The following POLE2 variants were observed in gnomAD, a reference collection of about 807,000 sequenced individuals.
POLE2 encodes the protein DNA polymerase epsilon 2, accessory subunit.
Under a neutral mutation model 79.4 loss-of-function variants are expected in POLE2, and 56 were observed. That is an observed-to-expected ratio of 0.71 (90% CI 0.57 to 0.88). POLE2 has a LOEUF of 0.88. POLE2 is among the 40% of genes least tolerant of loss of function. The pLI is 0.00. For synonymous variants in POLE2, 212 were observed against 214.0 expected (o/e 0.99, Z 0.08); for missense variants, 598 against 638.9 (o/e 0.94, Z 0.69).
At chr14:49,654,291 C>A in intron 13 of POLE2, 77 bp from the exon 14 acceptor site, 1 of 936,676 alleles carries the variant, frequency 1.1e-6, no homozygotes, top group Non-Finnish European at 1.6e-6. Context: ...AAGTTATTCC[C>A]TTTGTTTTCT....
intron 17 of POLE2, among the ~76,000 whole-genome samples, chr14:49,649,887 C>A (rs1212712905): frequency 6.6e-6 from 1 of 152,156 alleles, no homozygotes; most frequent in Non-Finnish European, 1.5e-5. Context: ...TTTTTGGGAC[C>A]TGTGCAATTT....
At chr14:49,687,996 C>A (rs1458864372) in intron 1 of POLE2, 140 bp downstream of exon 1, 2 of 684,620 alleles carry the variant, frequency 2.9e-6, no homozygotes, top group Non-Finnish European at 4.9e-6. Context: ...CCGCGCCCGA[C>A]CGCTTCTTAG....
At chr14:49,652,855 AC>A (rs994621563) in intron 15 of POLE2, among the ~76,000 whole-genome samples, 1 of 150,144 alleles carries the variant, frequency 6.7e-6, no homozygotes, top group Non-Finnish European at 1.5e-5. Context: ...AATCACCCCC[AC>A]CCCCCCTGGC....
rs1886104717 is a variant in POLE2 at position 49,674,359 on chromosome 14, T to C, written c.314A>G (p.Lys105Arg). Residue 105 changes from lysine (K) to arginine (R), a missense_variant, in exon 4 of 19, where the codon AAA becomes AGA. Lys to Arg is a conservative substitution (Grantham distance 26). Coordinates refer to ENST00000216367, the MANE Select transcript of POLE2 (RefSeq NM_002692.4). ...TGGATGACATACTTACGGAAGAAAT[T>C]TTTTTCTTTCTGAATTGTACACAAA... is the stretch of plus-strand genomic sequence containing the variant. ...PRFVYNSERK[K>R]FLPLLMTNHP... 9 of 1,601,912 alleles carry C rather than the reference T, an allele frequency of 5.6e-6. No homozygotes were observed. In the East Asian group the frequency reaches 1.8e-4, roughly 32 times the overall value.
chr14:49,664,709 G>A (rs1885354838), intron 8 of POLE2, 35 bp from the exon 9 acceptor site: 2 of 1,332,570 alleles, frequency 1.5e-6, no homozygotes, highest in South Asian at 2.4e-5. Flanking sequence ...TTCTATTCTT[G>A]AGGCAGTAAT....
At chr14:49,646,324 T>TTTTTTTTTTTTTTTTTTTTTTTG (rs1883772663) in intron 18 of POLE2, among the ~76,000 whole-genome samples, 1 of 124,600 alleles carries the variant, frequency 8.0e-6, no homozygotes, top group Non-Finnish European at 1.7e-5. Context: ...TTTTTTTTTT[T>TTTTTTTTTTTTTTTTTTTTTTTG]TTTTTTTTTT....
At chr14:49,654,448 TG>T (rs1213265067) in intron 13 of POLE2, 1 of 477,262 alleles carries the variant, frequency 2.1e-6, no homozygotes, top group Non-Finnish European at 3.7e-6. Context: ...CTAGCATAGC[TG>T]ATGGACTGAA....
intron 1 of POLE2, among the ~76,000 whole-genome samples, chr14:49,687,679 C>A (rs1217378579): frequency 6.6e-6 from 1 of 151,900 alleles, no homozygotes; most frequent in African/African-American, 2.4e-5. Context: ...AAAGAAGGCA[C>A]GGCAGCCTCA....
chr14:49,677,969 A>C, intron 3 of POLE2: 1 of 262,890 alleles, frequency 3.8e-6, no homozygotes. Flanking sequence ...TGGAATCTCT[A>C]CCCATTCTTT....
intron 5 of POLE2, among the ~76,000 whole-genome samples, chr14:49,673,443 C>T (rs1886036073): frequency 6.6e-6 from 1 of 152,196 alleles, no homozygotes; most frequent in African/African-American, 2.4e-5. Flanking sequence ...TCATTTCCTG[C>T]TCAGAGTCCA....
Position 49,647,317 on chromosome 14 carries a change from G to A in POLE2, c.1541C>T (p.Pro514Leu), listed in dbSNP as rs45515094. Residue 514 changes from proline (P) to leucine (L), a missense_variant, in exon 18 of 19, where the codon CCT becomes CTT. Transcript: ENST00000216367. ...RSGFSFKVFYPSNKTVEDSKL... is the reference protein window; with the variant it reads ...RSGFSFKVFYLSNKTVEDSKL... ...CCTATCTTCTACTGTCTTATTAGAA[G>A]GATAAAAAACTTTGAATGAAAATCC... 1 of 1,567,960 alleles carries A rather than the reference G, an allele frequency of 6.4e-7. No individual in the cohort carries two copies. The highest frequency in any genetic ancestry group is 8.7e-7 in the Non-Finnish European group (1 of 1,151,678).
At chr14:49,673,746 T>C (rs1207450756) in intron 5 of POLE2, among the ~76,000 whole-genome samples, 1 of 152,208 alleles carries the variant, frequency 6.6e-6, no homozygotes, top group East Asian at 1.9e-4. Context: ...ATACGATCTA[T>C]GGGCAAATTA....
chr14:49,650,593 A>G (rs1884148527), intron 16 of POLE2, 152 bp from the exon 17 acceptor site: 1 of 455,674 alleles, frequency 2.2e-6, no homozygotes, highest in Non-Finnish European at 3.8e-6. Context: ...TTTGGGAGAC[A>G]CTAATTTAAA....
intron 3 of POLE2, chr14:49,677,254 C>A: frequency 1.5e-6 from 1 of 660,504 alleles, no homozygotes; most frequent in Non-Finnish European, 2.7e-6. Flanking sequence ...GGGTGCTAAG[C>A]ATGAGGCCCA....
In POLE2 at chr14:49,647,340, TC is replaced by T. The variant is rs748565137; in HGVS notation, c.1517del (p.Gly506AspfsTer14). On this transcript the variant is annotated frameshift_variant, in exon 18 of 19. Transcript: ENST00000216367. LOFTEE classifies it high-confidence loss of function. ...CINPGSFPRS[G>X]FSFKVFYPSN... ...AAGGATAAAAAACTTTGAATGAAAA[TC>T]CACTTCTTGGAAAAGAGCCCTTTGG... is the stretch of plus-strand genomic sequence containing the variant. 8 of 1,571,898 alleles carry T rather than the reference TC, an allele frequency of 5.1e-6. No individual in the cohort carries two copies. The African/African-American group carries it at 1.1e-4, about 21-fold the overall frequency.
At chr14:49,657,863 C>G (rs1400988348) in intron 10 of POLE2, among the ~76,000 whole-genome samples, 1 of 152,166 alleles carries the variant, frequency 6.6e-6, no homozygotes, top group Non-Finnish European at 1.5e-5. Context: ...TGATTATAGT[C>G]TTAAGTCCTA....
At chr14:49,685,942 T>C (rs1887104282) in intron 1 of POLE2, among the ~76,000 whole-genome samples, 1 of 152,202 alleles carries the variant, frequency 6.6e-6, no homozygotes, top group Admixed American at 6.5e-5. Context: ...CTGCTCATTC[T>C]TTAAGTCAGC....
chr14:49,651,464 T>G, intron 15 of POLE2, 87 bp from the exon 16 acceptor site: 1 of 574,570 alleles, frequency 1.7e-6, no homozygotes, highest in Non-Finnish European at 3.1e-6. Context: ...TACAACCCCA[T>G]TCCCACATTC....
chr14:49,651,216 T>C, intron 16 of POLE2, 53 bp downstream of exon 16: 1 of 777,598 alleles, frequency 1.3e-6, no homozygotes, highest in South Asian at 1.6e-5. Flanking sequence ...CTTAATAAAA[T>C]TTTATATAAT....
Sources: allele counts gnomAD v4.1 joint callset (sites outside exome capture counted in the v4.1 genomes callset), GRCh38; gene constraint gnomAD v4.1.1; transcripts MANE v1.5; gene names NCBI Gene and HGNC (gene_info 2026-07-23, HGNC 2026-07-21).